Variants in GPD2 observed in about 807,000 individuals in gnomAD.
GPD2 encodes the protein glycerol-3-phosphate dehydrogenase 2.
A neutral mutation model predicts 82.4 loss-of-function variants in GPD2; 54 were observed. That is an observed-to-expected ratio of 0.66 (90% CI 0.53 to 0.82). GPD2 has a LOEUF of 0.82. GPD2 is among the 40% of genes least tolerant of loss of function. The probability of loss-of-function intolerance (pLI) is 0.00; values close to 1 mark genes in which losing one functional copy is unlikely to be tolerated. For missense variants in GPD2, 748 were observed against 896.2 expected, an observed-to-expected ratio of 0.83 and a Z score of 2.11; for synonymous variants, 288 against 306.1, an observed-to-expected ratio of 0.94 and a Z score of 0.62.
chr2:156,484,156 A>G (rs1683843323), intron 2 of GPD2, among the ~76,000 whole-genome samples: 1 of 151,326 alleles, frequency 6.6e-6, no homozygotes, highest in African/African-American at 2.4e-5. Context: ...TTTTTTTGAG[A>G]CAGTGTCTCA....
intron 1 of GPD2, among the ~76,000 whole-genome samples, chr2:156,439,604 T>C (rs1682084016): frequency 2.2e-5 from 3 of 134,098 alleles, no homozygotes; most frequent in African/African-American, 8.2e-5. Flanking sequence ...CACTTTGGGC[T>C]GGGAGGCCTA....
intron 6 of GPD2, among the ~76,000 whole-genome samples, chr2:156,521,267 G>A (rs1685396692): frequency 6.6e-6 from 1 of 152,156 alleles, no homozygotes; most frequent in African/African-American, 2.4e-5. Flanking sequence ...AATTGTTTTG[G>A]AATTGTAAGC....
At chr2:156,448,117 C>T (rs1682431325) in intron 1 of GPD2, among the ~76,000 whole-genome samples, 1 of 135,164 alleles carries the variant, frequency 7.4e-6, no homozygotes, top group East Asian at 2.0e-4. Flanking sequence ...CAGCAATTTT[C>T]CCTTTTTTTT....
At chr2:156,569,031 G>A (rs1423589879) in intron 10 of GPD2, 72 bp downstream of exon 10, 2 of 1,305,892 alleles carry the variant, frequency 1.5e-6, no homozygotes, top group South Asian at 1.2e-5. Context: ...GTCTCACCAT[G>A]TTGCCCAGGA....
chr2:156,438,796 TA>T (rs1401132751), intron 1 of GPD2, among the ~76,000 whole-genome samples: 1 of 152,118 alleles, frequency 6.6e-6, no homozygotes. Flanking sequence ...AAGTGCTAAA[TA>T]AAAAAATAGT....
At chr2:156,491,319 A>G (rs914691718) in intron 2 of GPD2, among the ~76,000 whole-genome samples, 2 of 152,256 alleles carry the variant, frequency 1.3e-5, no homozygotes, top group Admixed American at 6.5e-5. Flanking sequence ...TCTCTGATGC[A>G]ACTATTCAGC....
rs1687932559 is a variant in GPD2, at chr2:156,579,095, G to A, written c.1890G>A (p.Lys630=). Reference sequence around the variant, plus strand: ...TAATCTTGTGTTCCAGGTATAAGAAGAGATTTCATAAGTTTGATGCAGACC... The same window carrying A: ...TAATCTTGTGTTCCAGGTATAAGAAAAGATTTCATAAGTTTGATGCAGACC... ...LLPSDIDRYK[K]RFHKFDADQK... is the part of the protein sequence containing the mutation. The change falls in exon 15 of 17, where the codon AAG becomes AAA. Residue 630 remains lysine (K), a synonymous_variant. Transcript: ENST00000438166. 6.2e-7 allele frequency: 1 copy of A among 1,603,150 alleles called. No individual in the cohort carries two copies. The highest frequency in any genetic ancestry group is 8.5e-7 in the Non-Finnish European group (1 of 1,170,384).
chr2:156,525,058 A>G (rs1173261014), intron 6 of GPD2, among the ~76,000 whole-genome samples: 1 of 152,178 alleles, frequency 6.6e-6, no homozygotes, highest in Admixed American at 6.5e-5. Context: ...TATTGTATAT[A>G]GGAAAGTCTG....
intron 13 of GPD2, among the ~76,000 whole-genome samples, chr2:156,574,641 T>C (rs1244110510): frequency 6.6e-6 from 1 of 152,044 alleles, no homozygotes; most frequent in Non-Finnish European, 1.5e-5. Flanking sequence ...ATGGGAGGCA[T>C]GTGAAGACTT....
chr2:156,437,551 G>A (rs1466729142), intron 1 of GPD2, among the ~76,000 whole-genome samples: 1 of 152,118 alleles, frequency 6.6e-6, no homozygotes, highest in African/African-American at 2.4e-5. Flanking sequence ...TCACAGGGGC[G>A]TTATGTCAAA....
intron 10 of GPD2, 28 bp downstream of exon 10, chr2:156,568,987 TTTC>T: frequency 6.6e-7 from 1 of 1,510,396 alleles, no homozygotes; most frequent in Non-Finnish European, 8.9e-7. Flanking sequence ...GTTATTTTCT[TTTC>T]TTTTTTTTTT....
chr2:156,510,283 A>G (rs1238873584), intron 3 of GPD2, among the ~76,000 whole-genome samples: 4 of 151,764 alleles, frequency 2.6e-5, no homozygotes, highest in Non-Finnish European at 5.9e-5. Flanking sequence ...CCCATTGTAT[A>G]TCTACCATAA....
chr2:156,448,994 A>C (rs946373618), intron 1 of GPD2, among the ~76,000 whole-genome samples: 10 of 152,196 alleles, frequency 6.6e-5, no homozygotes, highest in Admixed American at 6.5e-4. Flanking sequence ...CTGTGGCTGC[A>C]TCACTCCAGT....
At chr2:156,467,926 T>C (rs551322580) in intron 1 of GPD2, among the ~76,000 whole-genome samples, 106 of 152,226 alleles carry the variant, frequency 7.0e-4, no homozygotes, top group African/African-American at 2.4e-3. Context: ...AGTCCTTCTC[T>C]GCTTGGCTGG....
In GPD2 at chr2:156,543,100, A is replaced by G. The variant is rs182311082; in HGVS notation, c.662-6508A>G. On this transcript the variant is annotated intron_variant, in intron 6 of 16. Transcript: ENST00000438166. ...AAACCCTGCTTGCTACCTTAACTTT[A>G]TCACTAGCCTCCTCCCTTTGCTTAT... Among the ~76,000 whole-genome samples, 517 of 152,204 alleles carry G rather than the reference A, an allele frequency of 3.4e-3. 2 individuals are homozygous for G. Among genetic ancestry groups the G allele is most frequent in the African/African-American group, 0.011 (474 of 41,544 alleles).
intron 6 of GPD2, among the ~76,000 whole-genome samples, chr2:156,546,736 A>G (rs1043240126): frequency 2.6e-5 from 4 of 152,214 alleles, no homozygotes; most frequent in African/African-American, 9.7e-5. Context: ...GGAATCACTC[A>G]TAACTATTTC....
At chr2:156,444,907 G>A (rs1057257654) in intron 1 of GPD2, among the ~76,000 whole-genome samples, 3 of 152,060 alleles carry the variant, frequency 2.0e-5, no homozygotes, top group African/African-American at 7.2e-5. Flanking sequence ...GTGCCACCAT[G>A]CCTGGCTAAT....
intron 1 of GPD2, among the ~76,000 whole-genome samples, chr2:156,446,096 A>AAC (rs1283652632): frequency 1.7e-5 from 2 of 119,772 alleles, no homozygotes; most frequent in Non-Finnish European, 3.5e-5. Context: ...CTACTTTCTA[A>AAC]ACACACACTT....
chr2:156,581,819 C>G (rs1383169299), intron 16 of GPD2, among the ~76,000 whole-genome samples: 1 of 151,874 alleles, frequency 6.6e-6, no homozygotes, highest in African/African-American at 2.4e-5. Flanking sequence ...TGATCCAGCC[C>G]CTTGGCAGAT....
Sources: gnomAD v4.1 joint callset for allele counts (sites outside exome capture counted in the v4.1 genomes callset) on GRCh38, gnomAD v4.1.1 for gene constraint, MANE v1.5 for transcripts, NCBI Gene and HGNC (gene_info 2026-07-23, HGNC 2026-07-21) for gene names.